HEXB: variants seen among roughly 807,000 people sequenced by gnomAD.
HEXB encodes hexosaminidase subunit beta.
A neutral mutation model predicts 71.2 loss-of-function variants in HEXB; 51 were observed. The observed-to-expected ratio is 0.72, with a 90% CI of 0.57 to 0.90. The LOEUF is 0.90. Among genes scored for constraint, HEXB ranks in the 40% least tolerant of loss-of-function variants. The pLI is 0.00. For missense variants in HEXB, 617 were observed against 677.0 expected (o/e 0.91, Z 0.98); for synonymous variants, 266 against 249.3 (o/e 1.07, Z -0.63).
In HEXB at chr5:74,705,091, CAAAAAAAAA is replaced by C. The variant is rs10644603; in HGVS notation, c.670-115_670-107del. 8 of 441,988 alleles carry C rather than the reference CAAAAAAAAA, an allele frequency of 1.8e-5. No individual in the cohort carries two copies. The African/African-American group carries it at 2.0e-4, about 11-fold the overall frequency. The allele number at this position is 441,988 out of a possible 1,614,324, so 27.4% of individuals were successfully genotyped here. Reference sequence around the variant, plus strand: ...TGGGCAATGGAGTGAGACCCTGTCTCAAAAAAAAAAAAAAAAAAAAAGTTTTAAAGGAAG... The same window carrying C: ...TGGGCAATGGAGTGAGACCCTGTCTCAAAAAAAAAAAAGTTTTAAAGGAAG... On this transcript the variant is annotated intron_variant, in intron 5 of 13. Coordinates refer to ENST00000261416, the MANE Select transcript of HEXB (RefSeq NM_000521.4).
intron 6 of HEXB, among the ~76,000 whole-genome samples, chr5:74,709,012 C>T (rs1028267181): frequency 5.3e-5 from 8 of 152,014 alleles, no homozygotes; most frequent in Non-Finnish European, 8.8e-5. Flanking sequence ...CCACACCACA[C>T]CTATTCCAAA....
chr5:74,703,041 C>T (rs1749300102), intron 5 of HEXB, among the ~76,000 whole-genome samples: 1 of 152,194 alleles, frequency 6.6e-6, no homozygotes, highest in African/African-American at 2.4e-5. Context: ...CAACCTCTGC[C>T]TCCCAGGTTC....
chr5:74,717,071 T>A (rs922125543), intron 9 of HEXB, among the ~76,000 whole-genome samples: 11 of 152,130 alleles, frequency 7.2e-5, no homozygotes, highest in Admixed American at 2.6e-4. Context: ...GTGCCTGTAG[T>A]CCCAGCTACT....
intron 1 of HEXB, among the ~76,000 whole-genome samples, chr5:74,673,294 A>G (rs907404973): frequency 6.6e-6 from 1 of 152,190 alleles, no homozygotes; most frequent in African/African-American, 2.4e-5. Context: ...ATGGCACTCA[A>G]TCTCAGTTTT....
At chr5:74,651,021 T>G (rs2112074243) in intron 1 of HEXB, among the ~76,000 whole-genome samples, 1 of 152,186 alleles carries the variant, frequency 6.6e-6, no homozygotes, top group South Asian at 2.1e-4. Flanking sequence ...TGATGTAATG[T>G]TTGGATGATT....
At chr5:74,713,268 T>C (rs1269638241) in intron 6 of HEXB, among the ~76,000 whole-genome samples, 2 of 152,222 alleles carry the variant, frequency 1.3e-5, no homozygotes, top group African/African-American at 4.8e-5. Context: ...AGCCCCAAAA[T>C]GGCTATCATC....
intron 11 of HEXB, chr5:74,720,119 GGTAAGTTTGCATAAAACCAAAATA>G: frequency 2.7e-6 from 1 of 364,420 alleles, no homozygotes; most frequent in Non-Finnish European, 5.1e-6. Context: ...CTGGTGTCCA[GGTAAGTTTGCATAAAACCAAAATA>G]AAACTGTTTA....
chr5:74,646,385 G>T (rs1317752439), intron 1 of HEXB, among the ~76,000 whole-genome samples: 1 of 152,074 alleles, frequency 6.6e-6, no homozygotes, highest in African/African-American at 2.4e-5. Context: ...TGAGTTCACA[G>T]ATCTCTTAGA....
At chr5:74,700,402 G>A (rs1311975120) in intron 5 of HEXB, among the ~76,000 whole-genome samples, 1 of 151,688 alleles carries the variant, frequency 6.6e-6, no homozygotes, top group Admixed American at 6.6e-5. Context: ...TATAGATTGT[G>A]CCACTGATAC....
intron 1 of HEXB, among the ~76,000 whole-genome samples, chr5:74,662,821 G>A (rs1301190864): frequency 6.6e-6 from 1 of 152,166 alleles, no homozygotes; most frequent in Non-Finnish European, 1.5e-5. Flanking sequence ...TGTAAAGGAT[G>A]TGGTCCTAGA....
At chr5:74,693,424 C>T (rs903927537) in intron 2 of HEXB, 8 of 612,952 alleles carry the variant, frequency 1.3e-5, no homozygotes, top group South Asian at 5.3e-5. Context: ...TTGAAGTGTG[C>T]GGAGGAGGGA....
chr5:74,706,058 T>C (rs1749379466), intron 6 of HEXB: 1 of 153,008 alleles, frequency 6.5e-6, no homozygotes, highest in Non-Finnish European at 1.5e-5. Flanking sequence ...TTCAAACATA[T>C]ACAGATACAG....
chr5:74,707,072 C>T (rs1207380277), intron 6 of HEXB, among the ~76,000 whole-genome samples: 3 of 152,210 alleles, frequency 2.0e-5, no homozygotes, highest in East Asian at 1.9e-4. Context: ...CTCACACAGC[C>T]GGGTATTCCT....
intron 5 of HEXB, among the ~76,000 whole-genome samples, chr5:74,703,557 C>A (rs1749311163): frequency 6.6e-6 from 1 of 152,182 alleles, no homozygotes; most frequent in Admixed American, 6.5e-5. Flanking sequence ...ACGTGTGTAC[C>A]TGTGTATGTA....
chr5:74,647,574 T>C (rs1748025725), intron 1 of HEXB, among the ~76,000 whole-genome samples: 1 of 152,230 alleles, frequency 6.6e-6, no homozygotes, highest in South Asian at 2.1e-4. Flanking sequence ...CCTCATGATT[T>C]TGAAAACACG....
At chr5:74,670,749 CT>C (rs1373918334) in intron 1 of HEXB, among the ~76,000 whole-genome samples, 5 of 152,196 alleles carry the variant, frequency 3.3e-5, no homozygotes, top group African/African-American at 1.2e-4. Context: ...CACTGCATTC[CT>C]CTTGTTTAGA....
At chr5:74,719,114 A>G in intron 11 of HEXB, 143 bp downstream of exon 11, 1 of 753,402 alleles carries the variant, frequency 1.3e-6, no homozygotes, top group Non-Finnish European at 2.4e-6. Flanking sequence ...CCTACCAACT[A>G]TCTTTTATGT....
chr5:74,685,313 T>A lies in HEXB; in HGVS notation c.53T>A (p.Leu18Gln). ...CGGCCGCCCATGCTGCTGGCGCTGC[T>A]GTTGGCGACACTGCTGGCGGCGATG... ...LPRPPMLLALLLATLLAAMLA... is the reference protein window; with the variant it reads ...LPRPPMLLALQLATLLAAMLA... The change falls in exon 1 of 14, where the codon CTG becomes CAG. Residue 18 changes from leucine (L) to glutamine (Q), a missense_variant. Transcript: ENST00000261416. 1.3e-6 allele frequency: 2 copies of A among 1,568,978 alleles called. No individual in the cohort carries two copies. The highest frequency in any genetic ancestry group is 1.7e-6 in the Non-Finnish European group (2 of 1,160,142).
chr5:74,705,305 T>C lies in HEXB; in HGVS notation c.756T>C (p.Pro252=). 1 of 1,581,158 alleles carries C rather than the reference T, an allele frequency of 6.3e-7. No individual in the cohort carries two copies. Among genetic ancestry groups the C allele is most frequent in the Non-Finnish European group, 8.7e-7 (1 of 1,150,076 alleles). Residue 252 remains proline, a synonymous_variant, in exon 6 of 14, where the codon CCT becomes CCC. Coordinates refer to ENST00000261416, the MANE Select transcript of HEXB (RefSeq NM_000521.4). ...QSFPYQSITF[P]ELSNKGSYSL... ...TCCCATATCAGAGCATCACTTTTCCTGAGTTAAGCAATAAAGTGAGTAAAT... is the reference window on the plus strand; with the variant it reads ...TCCCATATCAGAGCATCACTTTTCCCGAGTTAAGCAATAAAGTGAGTAAAT...
Sources: allele counts gnomAD v4.1 joint callset (sites outside exome capture counted in the v4.1 genomes callset), GRCh38; gene constraint gnomAD v4.1.1; transcripts MANE v1.5; gene names NCBI Gene and HGNC (gene_info 2026-07-23, HGNC 2026-07-21).